ZNF93: variants seen among roughly 807,000 people sequenced by gnomAD.
ZNF93 encodes the protein zinc finger protein 505.
Under a neutral mutation model 45.0 loss-of-function variants are expected in ZNF93, and 29 were observed. That is an observed-to-expected ratio of 0.64 (90% confidence interval 0.48 to 0.88). The LOEUF is 0.88. Among genes scored for constraint, ZNF93 ranks in the 40% least tolerant of loss-of-function variants. The pLI is 0.00. For missense variants in ZNF93, 578 were observed against 724.0 expected, an observed-to-expected ratio of 0.80 and a Z score of 2.31; for synonymous variants, 223 against 244.6, an observed-to-expected ratio of 0.91 and a Z score of 0.82.
At chr19:19,901,171 G>A (rs1460985702) in intron 1 of ZNF93, 80 bp downstream of exon 1, 1 of 1,600,132 alleles carries the variant, frequency 6.2e-7, no homozygotes, top group African/African-American at 1.3e-5. Flanking sequence ...GCGGGACTCA[G>A]GTATCCCCTT....
chr19:19,907,189 G>C (rs1448671992), intron 1 of ZNF93, among the ~76,000 whole-genome samples: 1 of 151,790 alleles, frequency 6.6e-6, no homozygotes, highest in Non-Finnish European at 1.5e-5. Flanking sequence ...CTTCTGAAAA[G>C]TTTATTTTTT....
At chr19:19,911,831 ACT>A (rs2063309441) in intron 1 of ZNF93, among the ~76,000 whole-genome samples, 1 of 151,690 alleles carries the variant, frequency 6.6e-6, no homozygotes. Flanking sequence ...CTCACTGTAA[ACT>A]CTGCCGCCCG....
intron 3 of ZNF93, chr19:19,932,949 CA>C (rs1312009085): frequency 3.4e-6 from 1 of 298,162 alleles, no homozygotes; most frequent in Non-Finnish European, 6.1e-6. Context: ...TATTGTTTTT[CA>C]ATTGTTTGTT....
At chr19:19,918,280 T>G (rs1334519394) in intron 3 of ZNF93, among the ~76,000 whole-genome samples, 4 of 152,206 alleles carry the variant, frequency 2.6e-5, no homozygotes, top group African/African-American at 9.7e-5. Context: ...GGACATGAAC[T>G]CATCATTTTT....
intron 1 of ZNF93, among the ~76,000 whole-genome samples, chr19:19,904,177 A>G (rs1599564912): frequency 6.8e-6 from 1 of 147,322 alleles, no homozygotes; most frequent in Non-Finnish European, 1.5e-5. Context: ...TGGCTGTGTG[A>G]TAGGTAAGAA....
At chr19:19,922,587 G>T (rs2063345065) in intron 3 of ZNF93, among the ~76,000 whole-genome samples, 1 of 152,182 alleles carries the variant, frequency 6.6e-6, no homozygotes, top group African/African-American at 2.4e-5. Flanking sequence ...ATCAGATGTA[G>T]ATTTGGTCTT....
At chr19:19,911,874 C>T (rs183760317) in intron 1 of ZNF93, among the ~76,000 whole-genome samples, 53 of 152,032 alleles carry the variant, frequency 3.5e-4, no homozygotes, top group Admixed American at 2.0e-3. Context: ...CTCAGCCTCC[C>T]GAGTAGCTGG....
intron 3 of ZNF93, among the ~76,000 whole-genome samples, chr19:19,929,441 C>T (rs2063365814): frequency 6.6e-6 from 1 of 152,174 alleles, no homozygotes; most frequent in Non-Finnish European, 1.5e-5. Context: ...TGTCTACAAT[C>T]ATTATGTTGC....
chr19:19,926,681 T>C (rs974786894), intron 3 of ZNF93, among the ~76,000 whole-genome samples: 1 of 152,098 alleles, frequency 6.6e-6, no homozygotes, highest in Non-Finnish European at 1.5e-5. Context: ...CATTAGTTTC[T>C]TGTGTTTTTT....
intron 1 of ZNF93, among the ~76,000 whole-genome samples, chr19:19,904,511 G>A (rs533547159): frequency 6.6e-6 from 1 of 152,294 alleles, no homozygotes; most frequent in East Asian, 1.9e-4. Flanking sequence ...CATGGGGTTT[G>A]TGTCTGGCAT....
intron 3 of ZNF93, among the ~76,000 whole-genome samples, chr19:19,921,358 C>T (rs1263501588): frequency 6.6e-6 from 1 of 152,140 alleles, no homozygotes; most frequent in Non-Finnish European, 1.5e-5. Flanking sequence ...TGCTTTACTT[C>T]CAACTATGTG....
intron 3 of ZNF93, among the ~76,000 whole-genome samples, chr19:19,919,213 C>G (rs958551312): frequency 3.9e-5 from 6 of 152,190 alleles, no homozygotes; most frequent in Non-Finnish European, 8.8e-5. Flanking sequence ...ATAGGGAATC[C>G]TTTCCCCATT....
chr19:19,928,445 G>C (rs1470959694), intron 3 of ZNF93, among the ~76,000 whole-genome samples: 2 of 152,188 alleles, frequency 1.3e-5, no homozygotes, highest in African/African-American at 4.8e-5. Flanking sequence ...GAATTTGCCA[G>C]TTTGACTTTT....
At chr19:19,923,809 G>C (rs1175059150) in intron 3 of ZNF93, among the ~76,000 whole-genome samples, 1 of 152,184 alleles carries the variant, frequency 6.6e-6, no homozygotes, top group African/African-American at 2.4e-5. Context: ...TCCAGGTGCT[G>C]TCTGTCACCC....
intron 2 of ZNF93, among the ~76,000 whole-genome samples, chr19:19,916,106 A>G (rs1176050232): frequency 7.0e-6 from 1 of 143,160 alleles, no homozygotes; most frequent in Non-Finnish European, 1.5e-5. Context: ...TTGCTCTGTC[A>G]CCCAGGCTGG....
At chr19:19,912,662 C>T (rs78424778) in intron 1 of ZNF93, among the ~76,000 whole-genome samples, 1 of 149,930 alleles carries the variant, frequency 6.7e-6, no homozygotes, top group Non-Finnish European at 1.5e-5. Context: ...TCTTCTGTAT[C>T]TCTTTCATCT....
chr19:19,916,434 T>A, intron 2 of ZNF93, 126 bp from the exon 3 acceptor site: 1 of 760,590 alleles, frequency 1.3e-6, no homozygotes, highest in South Asian at 1.9e-5. Flanking sequence ...TAAATTTCTG[T>A]TATAAATTTG....
intron 1 of ZNF93, among the ~76,000 whole-genome samples, chr19:19,906,734 T>C (rs1599565701): frequency 6.6e-6 from 1 of 152,188 alleles, no homozygotes; most frequent in Admixed American, 6.5e-5. Flanking sequence ...CCAGTTTCAG[T>C]CTTCTATATA....
At chr19:19,913,181 A>G (rs558357273) in intron 1 of ZNF93, among the ~76,000 whole-genome samples, 52 of 152,338 alleles carry the variant, frequency 3.4e-4, no homozygotes, top group African/African-American at 1.2e-3. Flanking sequence ...ACCCTCTTCA[A>G]ACATACAGAA....
Sources: gnomAD v4.1 joint callset for allele counts (sites outside exome capture counted in the v4.1 genomes callset) on GRCh38, gnomAD v4.1.1 for gene constraint, MANE v1.5 for transcripts, NCBI Gene and HGNC (gene_info 2026-07-23, HGNC 2026-07-21) for gene names.